ZNF516: variants seen among roughly 807,000 people sequenced by gnomAD.
ZNF516 encodes zinc finger protein 516.
ZNF516 carries 19 observed loss-of-function variants against 79.7 expected under a neutral mutation model. That is an observed-to-expected ratio of 0.24 (90% CI 0.17 to 0.35). ZNF516 has a LOEUF of 0.35. Among genes scored for constraint, ZNF516 ranks in the 10% least tolerant of loss-of-function variants. The probability of loss-of-function intolerance (pLI) is 1.00; values close to 1 mark genes in which losing one functional copy is unlikely to be tolerated. For synonymous variants in ZNF516, 877 were observed against 739.5 expected (o/e 1.19, Z -3.02); for missense variants, 1,678 against 1,679.5 (o/e 1.00, Z 0.02).
chr18:76,416,974 G>A (rs2075440557), intron 3 of ZNF516, among the ~76,000 whole-genome samples: 1 of 152,142 alleles, frequency 6.6e-6, no homozygotes, highest in Non-Finnish European at 1.5e-5. Flanking sequence ...TCTCATGCCT[G>A]GGAAACATAA....
At chr18:76,398,484 T>C (rs548237387) in intron 3 of ZNF516, among the ~76,000 whole-genome samples, 1 of 152,298 alleles carries the variant, frequency 6.6e-6, no homozygotes, top group Admixed American at 6.5e-5. Context: ...TGAAGTCTTA[T>C]CAAGAATGGT....
intron 2 of ZNF516, among the ~76,000 whole-genome samples, chr18:76,452,793 G>C (rs1246643215): frequency 6.6e-6 from 1 of 152,118 alleles, no homozygotes; most frequent in Non-Finnish European, 1.5e-5. Context: ...GGGGAGGAGG[G>C]GCAGCTGAAT....
At chr18:76,369,855 A>T (rs1415416212) in intron 6 of ZNF516, among the ~76,000 whole-genome samples, 1 of 152,232 alleles carries the variant, frequency 6.6e-6, no homozygotes, top group Admixed American at 6.5e-5. Context: ...ATGGGAGAGC[A>T]ATGAAAATAC....
chr18:76,382,984 C>T (rs1392825314), intron 3 of ZNF516, among the ~76,000 whole-genome samples: 2 of 139,988 alleles, frequency 1.4e-5, no homozygotes, highest in African/African-American at 2.7e-5. Flanking sequence ...TGCAGTGAGC[C>T]GAGATGGCGC....
intron 3 of ZNF516, chr18:76,385,699 G>A (rs1385149400): frequency 1.3e-5 from 2 of 152,220 alleles, no homozygotes; most frequent in Non-Finnish European, 2.9e-5. Context: ...GAGGGGCAAT[G>A]GGCAGCAAGC....
intron 3 of ZNF516, chr18:76,386,783 C>T (rs1439108459): frequency 6.6e-6 from 1 of 152,160 alleles, no homozygotes; most frequent in East Asian, 1.9e-4. Context: ...CAAGATTTTC[C>T]AGTTCTATGA....
chr18:76,373,211 G>A (rs1478563055), intron 4 of ZNF516, among the ~76,000 whole-genome samples: 2 of 149,148 alleles, frequency 1.3e-5, no homozygotes, highest in Non-Finnish European at 3.0e-5. Flanking sequence ...GAAGCAAAGA[G>A]AAGAAGAAAA....
In ZNF516 at chr18:76,380,236, C is replaced by G. The variant is rs1230454574; in HGVS notation, c.1878G>C (p.Gln626His). 6.2e-7 allele frequency: 1 copy of G among 1,613,980 alleles called. No individual in the cohort carries two copies. The highest frequency in any genetic ancestry group is 8.5e-7 in the Non-Finnish European group (1 of 1,179,902). Residue 626 changes from glutamine to histidine, a missense_variant, in exon 4 of 7, where the codon CAG (glutamine) becomes CAC (histidine). Physicochemically the swap from Gln to His is conservative, Grantham distance 24 (BLOSUM62 0). Around this residue, in one of 5 missense-constraint regions of ZNF516, gnomAD observed 1,294 missense variants for 1,248.3 expected, o/e 1.04. Transcript: ENST00000443185. ...AGGCGTTATCTCCCATCTTGTGACT[C>G]TGGTCTCCACTGGAGAGCTCGGTCG... ...VTSTELSSGD[Q>H]SHKMGDNASE... is the part of the protein sequence containing the mutation.
chr18:76,437,716 C>A (rs991638280), intron 3 of ZNF516, among the ~76,000 whole-genome samples: 1 of 152,108 alleles, frequency 6.6e-6, no homozygotes, highest in Admixed American at 6.5e-5. Flanking sequence ...CTCTAGATTA[C>A]TTATAATAAT....
intron 3 of ZNF516, among the ~76,000 whole-genome samples, chr18:76,419,471 A>G (rs1333085708): frequency 2.6e-5 from 4 of 152,240 alleles, no homozygotes; most frequent in Non-Finnish European, 4.4e-5. Context: ...ATAACAATAC[A>G]TAAATAAAAT....
intron 3 of ZNF516, among the ~76,000 whole-genome samples, chr18:76,413,840 G>A (rs1335806248): frequency 6.6e-6 from 1 of 152,162 alleles, no homozygotes; most frequent in Admixed American, 6.5e-5. Context: ...GAACAAAAAT[G>A]TCCCAAGTCT....
chr18:76,480,159 TAAAAAA>T (rs539724418), intron 1 of ZNF516, among the ~76,000 whole-genome samples: 18 of 109,176 alleles, frequency 1.6e-4, no homozygotes, highest in Non-Finnish European at 2.2e-4. Context: ...AGATTTTGTG[TAAAAAA>T]AAAAAAAAAA....
chr18:76,468,660 T>C (rs551665915), intron 1 of ZNF516, among the ~76,000 whole-genome samples: 3 of 152,226 alleles, frequency 2.0e-5, no homozygotes, highest in Non-Finnish European at 4.4e-5. Flanking sequence ...GCTCAAGTGA[T>C]CTACCCACCT....
chr18:76,404,134 TTGC>T (rs1480774433), intron 3 of ZNF516, among the ~76,000 whole-genome samples: 1 of 152,228 alleles, frequency 6.6e-6, no homozygotes, highest in Non-Finnish European at 1.5e-5. Context: ...GTGACAAATG[TTGC>T]TGAAAAGTCA....
intron 1 of ZNF516, among the ~76,000 whole-genome samples, chr18:76,480,304 C>T (rs932399460): frequency 7.9e-5 from 12 of 151,906 alleles, no homozygotes; most frequent in African/African-American, 2.9e-4. Context: ...TTTTACCTCT[C>T]GATGTGATCA....
At chr18:76,477,302 G>A (rs1303578600) in intron 1 of ZNF516, among the ~76,000 whole-genome samples, 1 of 152,160 alleles carries the variant, frequency 6.6e-6, no homozygotes, top group Non-Finnish European at 1.5e-5. Context: ...GCATTTCAGT[G>A]ACTAATATAG....
intron 1 of ZNF516, chr18:76,492,429 G>C: frequency 1.1e-6 from 1 of 946,506 alleles, no homozygotes; most frequent in Non-Finnish European, 1.3e-6. Flanking sequence ...CAGCGTTCAG[G>C]AGGCGGGTGG....
intron 1 of ZNF516, among the ~76,000 whole-genome samples, chr18:76,463,934 GAA>G (rs1021217560): frequency 1.3e-5 from 2 of 152,048 alleles, no homozygotes; most frequent in African/African-American, 4.8e-5. Flanking sequence ...TTTTCAAAAG[GAA>G]AAAAGACAGA....
At chr18:76,480,529 A>ATT (rs1555720250) in intron 1 of ZNF516, among the ~76,000 whole-genome samples, 64 of 142,084 alleles carry the variant, frequency 4.5e-4, no homozygotes, top group Middle Eastern at 3.6e-3. Context: ...ACACACATAT[A>ATT]TTTTTTTTTT....
Sources: gnomAD v4.1 joint callset for allele counts (sites outside exome capture counted in the v4.1 genomes callset) on GRCh38, gnomAD v4.1.1 for gene constraint, gnomAD v4.1.1 regional missense constraint, MANE v1.5 for transcripts, NCBI Gene and HGNC (gene_info 2026-07-23, HGNC 2026-07-21) for gene names.